CAMK4: variants seen among roughly 807,000 people sequenced by gnomAD.
The protein encoded by CAMK4 is calcium/calmodulin dependent protein kinase IV.
In CAMK4, 22 loss-of-function variants were observed where a neutral mutation model predicts 44.9. The observed-to-expected ratio is 0.49, with a 90% confidence interval of 0.35 to 0.70. The LOEUF (loss-of-function observed/expected upper bound fraction) is 0.70, where lower values mean the gene tolerates loss of function less well. Among genes scored for constraint, CAMK4 ranks in the 30% least tolerant of loss-of-function variants. The pLI, the probability that CAMK4 is intolerant of heterozygous loss-of-function variation, is 0.01. For synonymous variants in CAMK4, 218 were observed against 215.4 expected (o/e 1.01, Z -0.11); for missense variants, 498 against 586.8 (o/e 0.85, Z 1.56).
chr5:111,293,314 A>G (rs1016252964), intron 1 of CAMK4, among the ~76,000 whole-genome samples: 5 of 152,192 alleles, frequency 3.3e-5, no homozygotes, highest in Non-Finnish European at 7.4e-5. Context: ...AGGACTCTCT[A>G]GGAAAATATT....
intron 1 of CAMK4, among the ~76,000 whole-genome samples, chr5:111,249,755 G>A (rs977935913): frequency 6.7e-6 from 1 of 149,704 alleles, no homozygotes; most frequent in Non-Finnish European, 1.5e-5. Context: ...AGGGCTATAG[G>A]TTAATGTTTT....
At chr5:111,344,991 A>T (rs1749808765) in intron 2 of CAMK4, among the ~76,000 whole-genome samples, 1 of 151,888 alleles carries the variant, frequency 6.6e-6, no homozygotes, top group Non-Finnish European at 1.5e-5. Flanking sequence ...ATGTATATAT[A>T]TGAAAACCCA....
At chr5:111,336,546 G>A (rs1438282729) in intron 1 of CAMK4, among the ~76,000 whole-genome samples, 2 of 150,430 alleles carry the variant, frequency 1.3e-5, no homozygotes, top group South Asian at 4.2e-4. Flanking sequence ...ACTCTTTCTT[G>A]CCTTTAAAAA....
At chr5:111,284,891 A>G (rs1751178691) in intron 1 of CAMK4, among the ~76,000 whole-genome samples, 1 of 152,160 alleles carries the variant, frequency 6.6e-6, no homozygotes, top group African/African-American at 2.4e-5. Context: ...TGAAAAAGAG[A>G]TATCTCCTTC....
intron 2 of CAMK4, among the ~76,000 whole-genome samples, chr5:111,367,982 C>T (rs1192798026): frequency 6.6e-6 from 1 of 152,022 alleles, no homozygotes; most frequent in East Asian, 1.9e-4. Context: ...TTCCCTTTTT[C>T]CTCACTCTCA....
At chr5:111,380,180 C>T (rs1751360924) in intron 4 of CAMK4, among the ~76,000 whole-genome samples, 1 of 152,014 alleles carries the variant, frequency 6.6e-6, no homozygotes, top group African/African-American at 2.4e-5. Context: ...TTTAAGACAG[C>T]AAATTTAGCA....
intron 7 of CAMK4, among the ~76,000 whole-genome samples, chr5:111,452,010 T>G (rs1754255672): frequency 1.3e-5 from 2 of 152,260 alleles, no homozygotes; most frequent in African/African-American, 2.4e-5. Context: ...TGTCTCCTTG[T>G]CCATCTAAGC....
intron 2 of CAMK4, among the ~76,000 whole-genome samples, chr5:111,360,440 T>C (rs1040688887): frequency 2.2e-4 from 34 of 152,052 alleles, no homozygotes; most frequent in African/African-American, 7.5e-4. Context: ...TCACTGGCTC[T>C]ATGGGAGAGG....
rs76293519 is a variant in CAMK4, at chr5:111,282,308, A to G, written c.161+57664A>G. 4.8e-3 allele frequency among the ~76,000 whole-genome samples: 728 copies of G among 152,320 alleles called. 5 individuals are homozygous for G. The highest frequency in any genetic ancestry group is 0.016 in the African/African-American group (685 of 41,568). ...TTAGGTGGCTGATGGGGAAATTGAAAAAGTTTCAGCTAGAAAATTAAGAAA... is the reference window on the plus strand; with the variant it reads ...TTAGGTGGCTGATGGGGAAATTGAAGAAGTTTCAGCTAGAAAATTAAGAAA... On this transcript the variant is annotated intron_variant, in intron 1 of 10. Coordinates refer to ENST00000282356, the MANE Select transcript of CAMK4 (RefSeq NM_001744.6).
rs1388831215 is a variant in CAMK4 at position 111,269,538 on chromosome 5, T to G, written c.161+44894T>G. 4.6e-5 allele frequency among the ~76,000 whole-genome samples: 7 copies of G among 152,198 alleles called. No individual in the cohort carries two copies. In the East Asian group the frequency reaches 1.4e-3, roughly 30 times the overall value. The stretch of plus-strand genomic sequence containing the variant: ...GTCTGTTTTTGGAAATAGTGGCTGC[T>G]GAGATAGATTTTAAACTGCAGGCCG... On this transcript the variant is annotated intron_variant, in intron 1 of 10. Transcript: ENST00000282356.
chr5:111,394,995 G>A (rs1184322133), intron 5 of CAMK4, among the ~76,000 whole-genome samples: 1 of 151,958 alleles, frequency 6.6e-6, no homozygotes, highest in African/African-American at 2.4e-5. Flanking sequence ...GGTCACTTAA[G>A]GTCAGGAGTT....
Position 111,312,243 on chromosome 5 carries a change from G to A in CAMK4, c.162-31781G>A, listed in dbSNP as rs181537949. Among the ~76,000 whole-genome samples, 492 of 152,226 alleles carry A rather than the reference G, an allele frequency of 3.2e-3. 5 individuals are homozygous for A. Among genetic ancestry groups the A allele is most frequent in the Non-Finnish European group, 2.7e-3 (182 of 67,998 alleles). ...AGATGCCCAGAGAATATGGGTTTGAGGGATCACCAAACAAGCCAGATATCA... is the reference window on the plus strand; with the variant it reads ...AGATGCCCAGAGAATATGGGTTTGAAGGATCACCAAACAAGCCAGATATCA... On this transcript the variant is annotated intron_variant, in intron 1 of 10. Coordinates refer to ENST00000282356, the MANE Select transcript of CAMK4 (RefSeq NM_001744.6).
intron 5 of CAMK4, among the ~76,000 whole-genome samples, chr5:111,420,111 T>C (rs529583263): frequency 6.7e-6 from 1 of 149,174 alleles, no homozygotes; most frequent in East Asian, 1.9e-4. Flanking sequence ...TATCCTCTTT[T>C]ATTTCATTGA....
At chr5:111,365,593 A>T (rs1184782430) in intron 2 of CAMK4, among the ~76,000 whole-genome samples, 2 of 152,092 alleles carry the variant, frequency 1.3e-5, no homozygotes, top group Non-Finnish European at 2.9e-5. Context: ...GATGGAAGAC[A>T]TTTCAAAGGA....
At chr5:111,333,571 G>C (rs540164262) in intron 1 of CAMK4, among the ~76,000 whole-genome samples, 2 of 151,586 alleles carry the variant, frequency 1.3e-5, no homozygotes, top group South Asian at 4.1e-4. Flanking sequence ...TTGGGTTCCA[G>C]AGCTTCTTAC....
At position 111,224,739 on chromosome 5, in the gene CAMK4, G is replaced by A. The variant is rs1318571870; in HGVS notation, c.161+95G>A. 1.1e-5 allele frequency: 13 copies of A among 1,231,596 alleles called. No individual in the cohort carries two copies. The highest frequency in any genetic ancestry group is 1.5e-5 in the Non-Finnish European group (13 of 889,274). 76.3% of individuals were successfully genotyped at this position (1,231,596 alleles called of 1,614,324 possible). A position where few individuals can be genotyped will look rare whatever the true frequency, so the allele number is the denominator to read the frequency against. ...TCGGAGGGTGCGGGAGCCTGCCTTC[G>A]TGCCCTTCGATTTCTCCCTACCTAG... On this transcript the variant is annotated intron_variant, in intron 1 of 10. Coordinates refer to ENST00000282356, the MANE Select transcript of CAMK4 (RefSeq NM_001744.6). The surrounding 1 kb of genome is among the most constrained non-coding windows in gnomAD (Gnocchi z 5.7).
At chr5:111,419,206 T>G (rs1462219139) in intron 5 of CAMK4, among the ~76,000 whole-genome samples, 1 of 152,242 alleles carries the variant, frequency 6.6e-6, no homozygotes, top group African/African-American at 2.4e-5. Flanking sequence ...ATGATGAGCA[T>G]TTTTTCATGT....
At chr5:111,291,502 T>C (rs1282527051) in intron 1 of CAMK4, among the ~76,000 whole-genome samples, 1 of 152,170 alleles carries the variant, frequency 6.6e-6, no homozygotes, top group Non-Finnish European at 1.5e-5. Flanking sequence ...TATTAAGACT[T>C]TAATTAATCT....
chr5:111,477,249 A>G (rs1204919164), intron 8 of CAMK4, among the ~76,000 whole-genome samples: 1 of 152,192 alleles, frequency 6.6e-6, no homozygotes, highest in Non-Finnish European at 1.5e-5. Context: ...CATTTTTCTC[A>G]CTGGCTCCAG....
Sources: allele counts gnomAD v4.1 joint callset (sites outside exome capture counted in the v4.1 genomes callset), GRCh38; gene constraint gnomAD v4.1.1; non-coding constraint Gnocchi (gnomAD v3.1); transcripts MANE v1.5; gene names NCBI Gene and HGNC (gene_info 2026-07-23, HGNC 2026-07-21).